The following YTHDF3 variants were observed in gnomAD, a reference collection of about 807,000 sequenced individuals.
YTHDF3 encodes the protein YTH N6-methyladenosine RNA binding protein F3, also known as YTH domain-containing family protein 3.
A neutral mutation model predicts 52.5 loss-of-function variants in YTHDF3; 9 were observed. That is an observed-to-expected ratio of 0.17 (90% CI 0.10 to 0.30). The LOEUF (loss-of-function observed/expected upper bound fraction) is 0.30. Ranked by LOEUF, YTHDF3 falls within the 10% of genes least tolerant of loss-of-function variation. The pLI, the probability that YTHDF3 is intolerant of heterozygous loss-of-function variation, is 1.00. For synonymous variants in YTHDF3, 274 were observed against 243.3 expected (o/e 1.13, Z -1.18); for missense variants, 534 against 715.0 (o/e 0.75, Z 2.89).
intron 4 of YTHDF3, among the ~76,000 whole-genome samples, chr8:63,205,626 G>A (rs1193174513): frequency 6.6e-6 from 1 of 151,856 alleles, no homozygotes; most frequent in Non-Finnish European, 1.5e-5. Flanking sequence ...TAAAGACAGG[G>A]TTTCCCCATG....
At chr8:63,173,595 A>C (rs1807490019) in intron 2 of YTHDF3, 1 of 935,390 alleles carries the variant, frequency 1.1e-6, no homozygotes, top group Non-Finnish European at 1.3e-6. Flanking sequence ...TGAGTGTAAT[A>C]GTGAAGAATT....
chr8:63,175,642 G>A, intron 3 of YTHDF3: 1 of 385,216 alleles, frequency 2.6e-6, no homozygotes, highest in South Asian at 4.4e-5. Flanking sequence ...ATAGAATAAA[G>A]ATTTGAAGGT....
At chr8:63,197,948 A>G (rs1373359360) in intron 4 of YTHDF3, among the ~76,000 whole-genome samples, 2 of 152,112 alleles carry the variant, frequency 1.3e-5, no homozygotes, top group Non-Finnish European at 2.9e-5. Flanking sequence ...ATTCTTGTAA[A>G]TCTTCATTAG....
At chr8:63,185,043 C>T (rs1361538872) in intron 3 of YTHDF3, among the ~76,000 whole-genome samples, 2 of 152,086 alleles carry the variant, frequency 1.3e-5, no homozygotes, top group African/African-American at 2.4e-5. Flanking sequence ...ATTGCTTGAG[C>T]CTCAGGAAGT....
chr8:63,201,315 G>A (rs1376887190), intron 4 of YTHDF3, among the ~76,000 whole-genome samples: 3 of 152,090 alleles, frequency 2.0e-5, no homozygotes, highest in African/African-American at 7.2e-5. Context: ...CTTGAGGCCA[G>A]GAGTTCGAGA....
intron 4 of YTHDF3, among the ~76,000 whole-genome samples, chr8:63,193,109 C>G (rs1465708250): frequency 6.6e-6 from 1 of 152,006 alleles, no homozygotes. Context: ...CATGGTGGCT[C>G]ACATGTGTAA....
At chr8:63,173,278 CTG>C (rs1157928205) in intron 2 of YTHDF3, among the ~76,000 whole-genome samples, 1 of 141,376 alleles carries the variant, frequency 7.1e-6, no homozygotes, top group African/African-American at 2.9e-5. Flanking sequence ...GAGTCTCACT[CTG>C]TACCCCAGGC....
chr8:63,209,738 A>G lies in YTHDF3; in HGVS notation c.*32A>G, dbSNP rs1379149512. The G allele has an allele frequency of 6.4e-7, 1 of 1,558,794 alleles. No homozygotes were observed. Among genetic ancestry groups the G allele is most frequent in the African/African-American group, 1.4e-5 (1 of 72,258 alleles). On this transcript the variant is annotated 3_prime_UTR_variant, in exon 5 of 5. Coordinates refer to ENST00000539294, the MANE Select transcript of YTHDF3 (RefSeq NM_152758.6). Reference sequence around the variant, plus strand: ...GAAGATGTCCTGTTAAATTTACAACACTAACGATGTAGACTCTGGAAATGC... The same window carrying G: ...GAAGATGTCCTGTTAAATTTACAACGCTAACGATGTAGACTCTGGAAATGC...
At chr8:63,180,728 T>C (rs1808070042) in intron 3 of YTHDF3, among the ~76,000 whole-genome samples, 1 of 152,170 alleles carries the variant, frequency 6.6e-6, no homozygotes, top group Admixed American at 6.5e-5. Context: ...TCCTGGCACC[T>C]CGGGAGGCCG....
intron 4 of YTHDF3, among the ~76,000 whole-genome samples, chr8:63,200,249 C>T (rs1313818265): frequency 2.0e-5 from 3 of 152,066 alleles, no homozygotes; most frequent in Admixed American, 1.3e-4. Flanking sequence ...GGGACTTTCC[C>T]ACAGGAGGCT....
Position 63,186,310 on chromosome 8 carries a change from A to T in YTHDF3, c.299A>T (p.Tyr100Phe). 1 of 1,614,032 alleles carries T rather than the reference A, an allele frequency of 6.2e-7. No homozygotes were observed. Among genetic ancestry groups the T allele is most frequent in the Non-Finnish European group, 8.5e-7 (1 of 1,179,898 alleles). Reference protein sequence around the residue: ...YGQMSNGEHHYIPDGVFSQPG... With the variant: ...YGQMSNGEHHFIPDGVFSQPG... ...CAAATGAGTAATGGAGAACATCACT[A>T]TATACCAGATGGTGTATTTAGTCAA... The change falls in exon 4 of 5, where the codon TAT (tyrosine) becomes TTT (phenylalanine). Residue 100 changes from tyrosine (Y) to phenylalanine (F), a missense_variant. Tyr to Phe is a conservative substitution (Grantham distance 22, BLOSUM62 3). This residue lies in a region of YTHDF3 where 196 missense variants were observed against 299.5 expected (regional missense o/e 0.65). Coordinates refer to ENST00000539294, the MANE Select transcript of YTHDF3 (RefSeq NM_152758.6).
At chr8:63,188,037 A>C (rs12550222) in intron 4 of YTHDF3, among the ~76,000 whole-genome samples, 13,228 of 152,240 alleles carry the variant, frequency 0.087, 799 homozygotes, top group East Asian at 0.35. Flanking sequence ...TGGCATTTGT[A>C]ACTAAACAGA....
At chr8:63,196,073 A>G (rs1809218032) in intron 4 of YTHDF3, among the ~76,000 whole-genome samples, 1 of 152,052 alleles carries the variant, frequency 6.6e-6, no homozygotes, top group South Asian at 2.1e-4. Flanking sequence ...GATTACAGGC[A>G]TGAATCACCA....
chr8:63,183,144 A>G (rs1808262376), intron 3 of YTHDF3, among the ~76,000 whole-genome samples: 1 of 151,998 alleles, frequency 6.6e-6, no homozygotes, highest in Non-Finnish European at 1.5e-5. Flanking sequence ...TAATTTTGGT[A>G]GAGATGGGGT....
At chr8:63,178,850 T>C (rs954098153) in intron 3 of YTHDF3, among the ~76,000 whole-genome samples, 5 of 152,198 alleles carry the variant, frequency 3.3e-5, no homozygotes, top group Admixed American at 1.3e-4. Flanking sequence ...AGTGCTATTA[T>C]AACAGATTAG....
chr8:63,193,396 AGC>A (rs1426614618), intron 4 of YTHDF3, among the ~76,000 whole-genome samples: 163 of 149,646 alleles, frequency 1.1e-3, no homozygotes, highest in African/African-American at 3.9e-3. Flanking sequence ...AAAAAAAAAA[AGC>A]AGCAGCAGCC....
chr8:63,169,313 A>G (rs1807116052), intron 1 of YTHDF3, 74 bp from the exon 2 acceptor site: 1 of 1,527,008 alleles, frequency 6.5e-7, no homozygotes, highest in Non-Finnish European at 8.9e-7. Flanking sequence ...GTCTTTGATA[A>G]TGCCTTTGAT....
chr8:63,188,005 A>T (rs1253240756), intron 4 of YTHDF3, among the ~76,000 whole-genome samples: 6 of 152,210 alleles, frequency 3.9e-5, no homozygotes, highest in Non-Finnish European at 5.9e-5. Flanking sequence ...CTCAGTGTTT[A>T]TCATCAAAGC....
chr8:63,169,331 C>G (rs994885261), intron 1 of YTHDF3, 56 bp from the exon 2 acceptor site: 34 of 1,563,132 alleles, frequency 2.2e-5, no homozygotes, highest in Non-Finnish European at 3.0e-5. Context: ...GATTAACACA[C>G]TTTTTCTTTT....
Sources: allele counts gnomAD v4.1 joint callset (sites outside exome capture counted in the v4.1 genomes callset), GRCh38; gene constraint gnomAD v4.1.1; regional missense constraint gnomAD v4.1.1; transcripts MANE v1.5; gene names NCBI Gene and HGNC (gene_info 2026-07-23, HGNC 2026-07-21).